Variants in ZFPM2 observed in about 807,000 individuals in gnomAD.
The protein encoded by ZFPM2 is zinc finger protein ZFPM2.
In ZFPM2, 20 loss-of-function variants were observed where a neutral mutation model predicts 98.6. The ratio of observed to expected loss-of-function variants is 0.20; its 90% confidence interval spans 0.14 to 0.29. The LOEUF is 0.29. Among genes scored for constraint, ZFPM2 ranks in the 10% least tolerant of loss-of-function variants. The probability of loss-of-function intolerance (pLI) is 1.00; values close to 1 mark genes in which losing one functional copy is unlikely to be tolerated. For synonymous variants in ZFPM2, 518 were observed against 502.7 expected, an observed-to-expected ratio of 1.03 and a Z score of -0.41; for missense variants, 1,310 against 1,388.6, an observed-to-expected ratio of 0.94 and a Z score of 0.90.
At chr8:105,469,551 C>G (rs368232026) in intron 3 of ZFPM2, among the ~76,000 whole-genome samples, 1 of 152,286 alleles carries the variant, frequency 6.6e-6, no homozygotes, top group African/African-American at 2.4e-5. Flanking sequence ...GTGTGGAGGG[C>G]CAGACTGACT....
intron 5 of ZFPM2, among the ~76,000 whole-genome samples, chr8:105,777,781 CTAAA>C (rs1334995950): frequency 6.6e-6 from 1 of 152,086 alleles, no homozygotes; most frequent in African/African-American, 2.4e-5. Context: ...TTAATCAACT[CTAAA>C]TAAACAAGTG....
intron 3 of ZFPM2, among the ~76,000 whole-genome samples, chr8:105,533,507 T>C (rs929390856): frequency 2.6e-5 from 4 of 152,138 alleles, no homozygotes; most frequent in Non-Finnish European, 5.9e-5. Context: ...AGAAAACATA[T>C]AAGGTATTCC....
chr8:105,415,546 G>A (rs1811664261), intron 1 of ZFPM2, among the ~76,000 whole-genome samples: 1 of 151,922 alleles, frequency 6.6e-6, no homozygotes. Context: ...TTTCTGAAGT[G>A]GACTTCTGTG....
At chr8:105,398,547 T>C (rs1811269779) in intron 1 of ZFPM2, among the ~76,000 whole-genome samples, 1 of 152,060 alleles carries the variant, frequency 6.6e-6, no homozygotes, top group African/African-American at 2.4e-5. Context: ...GATAGGGGAA[T>C]GGGTTTCAGG....
chr8:105,749,537 T>C (rs1384208013), intron 5 of ZFPM2, among the ~76,000 whole-genome samples: 2 of 152,056 alleles, frequency 1.3e-5, no homozygotes, highest in Non-Finnish European at 2.9e-5. Context: ...CAGGACACTT[T>C]CATGGTATAT....
intron 4 of ZFPM2, among the ~76,000 whole-genome samples, chr8:105,623,775 C>A (rs1816600978): frequency 6.6e-6 from 1 of 152,044 alleles, no homozygotes; most frequent in Non-Finnish European, 1.5e-5. Context: ...TTAAACAGGG[C>A]ATTCACAGTT....
intron 1 of ZFPM2, among the ~76,000 whole-genome samples, chr8:105,334,196 A>G (rs1812285788): frequency 1.3e-5 from 2 of 149,752 alleles, no homozygotes; most frequent in Admixed American, 1.3e-4. Context: ...AAATCAGGTA[A>G]TATTGCCATT....
At chr8:105,343,364 A>T (rs534818495) in intron 1 of ZFPM2, among the ~76,000 whole-genome samples, 1 of 152,160 alleles carries the variant, frequency 6.6e-6, no homozygotes, top group South Asian at 2.1e-4. Flanking sequence ...TCCTCCTTAA[A>T]ACTCAAGTAT....
At chr8:105,345,425 C>CTT (rs10560485) in intron 1 of ZFPM2, among the ~76,000 whole-genome samples, 19,478 of 97,942 alleles carry the variant, frequency 0.2, 2,683 homozygotes, top group Non-Finnish European at 0.27. Flanking sequence ...TCGTGATGTT[C>CTT]TTTTTTTTTT....
chr8:105,345,425 C>CTTTTTTTT (rs10560485), intron 1 of ZFPM2, among the ~76,000 whole-genome samples: 2 of 98,358 alleles, frequency 2.0e-5, no homozygotes, highest in Non-Finnish European at 2.0e-5. Flanking sequence ...TCGTGATGTT[C>CTTTTTTTT]TTTTTTTTTT....
chr8:105,511,330 C>CGAT (rs1404809145), intron 3 of ZFPM2, among the ~76,000 whole-genome samples: 1 of 152,170 alleles, frequency 6.6e-6, no homozygotes, highest in African/African-American at 2.4e-5. Flanking sequence ...GGTAAATAAC[C>CGAT]GATGATGTAT....
At chr8:105,463,322 T>G (rs2130311083) in intron 3 of ZFPM2, among the ~76,000 whole-genome samples, 1 of 151,914 alleles carries the variant, frequency 6.6e-6, no homozygotes, top group East Asian at 1.9e-4. Flanking sequence ...TATACATATA[T>G]AGAGTTTTTA....
chr8:105,515,630 A>G (rs1398401201), intron 3 of ZFPM2, among the ~76,000 whole-genome samples: 2 of 152,194 alleles, frequency 1.3e-5, no homozygotes, highest in Non-Finnish European at 2.9e-5. Flanking sequence ...ACAGATAGTA[A>G]TAATTATGGT....
intron 3 of ZFPM2, among the ~76,000 whole-genome samples, chr8:105,460,528 C>G (rs572405359): frequency 6.6e-6 from 1 of 152,120 alleles, no homozygotes; most frequent in Non-Finnish European, 1.5e-5. Flanking sequence ...GCATGGCCCA[C>G]CTGGCATCAT....
rs550233412 is a variant in ZFPM2, at chr8:105,735,085, A to G, written c.533-53633A>G. Among the ~76,000 whole-genome samples the G allele has an allele frequency of 3.4e-5, 5 of 147,886 alleles. No homozygotes were observed. In the South Asian group the frequency reaches 1.1e-3, roughly 31 times the overall value. On this transcript the variant is annotated intron_variant, in intron 5 of 7. Transcript: ENST00000407775. ...CCACAATTCCCTTTGCACCAACCTA[A>G]TATATACACATATATTATATATATA... is the stretch of plus-strand genomic sequence containing the variant.
rs1424959534 is a variant in ZFPM2 at position 105,352,456 on chromosome 8, C to T, written c.40+33475C>T. On this transcript the variant is annotated intron_variant, in intron 1 of 7. Coordinates refer to ENST00000407775, the MANE Select transcript of ZFPM2 (RefSeq NM_012082.4). ...AATAGCATTTATATTAACCCATTAG[C>T]CCACATTAATTCAGTATTAATGAAG... Among the ~76,000 whole-genome samples the T allele has an allele frequency of 2.0e-5, 3 of 152,108 alleles. No individual in the cohort carries two copies. The East Asian group carries it at 5.8e-4, about 29-fold the overall frequency.
intron 5 of ZFPM2, among the ~76,000 whole-genome samples, chr8:105,769,851 A>T (rs531301116): frequency 1.1e-4 from 17 of 152,086 alleles, no homozygotes; most frequent in African/African-American, 4.1e-4. Flanking sequence ...CATCAACTAG[A>T]TCATTCTGGT....
In ZFPM2 at chr8:105,788,934, C is replaced by G. The variant is rs372555798; in HGVS notation, c.739+10C>G. The G allele has an allele frequency of 5.6e-6, 9 of 1,610,610 alleles. No homozygotes were observed. Among genetic ancestry groups the G allele is most frequent in the Non-Finnish European group, 7.6e-6 (9 of 1,177,702 alleles). On this transcript the variant is annotated intron_variant, in intron 6 of 7. Transcript: ENST00000407775. The stretch of plus-strand genomic sequence containing the variant: ...ACAGCTATTGTCAATAGTAAGTGCT[C>G]AGTGCTGTGTAGCCCAGCTTTAGAG...
chr8:105,393,390 C>CT (rs1554600712), intron 1 of ZFPM2, among the ~76,000 whole-genome samples: 19 of 134,528 alleles, frequency 1.4e-4, no homozygotes, highest in East Asian at 2.1e-4. Context: ...TTCTTTCTTT[C>CT]TTCTTCAGAA....
Sources: allele counts gnomAD v4.1 joint callset (sites outside exome capture counted in the v4.1 genomes callset), GRCh38; gene constraint gnomAD v4.1.1; transcripts MANE v1.5; gene names NCBI Gene and HGNC (gene_info 2026-07-23, HGNC 2026-07-21).